ABCB4: variants seen among roughly 807,000 people sequenced by gnomAD.
ABCB4 encodes the protein phosphatidylcholine translocator ABCB4.
A neutral mutation model predicts 145.7 loss-of-function variants in ABCB4; 76 were observed. That is an observed-to-expected ratio of 0.52 (90% CI 0.43 to 0.63). The LOEUF (loss-of-function observed/expected upper bound fraction) is 0.63. Among genes scored for constraint, ABCB4 ranks in the 30% least tolerant of loss-of-function variants. The probability of loss-of-function intolerance (pLI) is 0.00; values close to 1 mark genes in which losing one functional copy is unlikely to be tolerated. For missense variants in ABCB4, 1,234 were observed against 1,553.1 expected, an observed-to-expected ratio of 0.79 and a Z score of 3.45; for synonymous variants, 517 against 566.8, an observed-to-expected ratio of 0.91 and a Z score of 1.25.
Position 87,412,063 on chromosome 7 carries a change from A to T in ABCB4, c.2784-30T>A, listed in dbSNP as rs761037382. The T allele has an allele frequency of 7.4e-6, 12 of 1,612,842 alleles. No individual in the cohort carries two copies. The South Asian group carries it at 8.8e-5, about 12-fold the overall frequency. On this transcript the variant is annotated intron_variant, in intron 22 of 27. Transcript: ENST00000649586. ...AAAGCAAATCAGTATACTTGTAACC[A>T]TCTCTTCAGCCTCCTTTAGCGCTGT...
At chr7:87,426,961 G>GTGTA (rs746053889) in intron 15 of ABCB4, 41 bp from the exon 16 acceptor site, 1 of 1,523,132 alleles carries the variant, frequency 6.6e-7, no homozygotes, top group Non-Finnish European at 9.1e-7. Flanking sequence ...GTGTGTGTGT[G>GTGTA]TGTGTGTGTG....
chr7:87,380,445 T>A, the ABCB4 span, among the ~76,000 whole-genome samples: 1 of 30,866 alleles, frequency 3.2e-5, no homozygotes, highest in African/African-American at 5.8e-5. Flanking sequence ...CATCTGTATG[T>A]ATGTATGCAT....
At chr7:87,444,549 G>C (rs1010592227) in intron 10 of ABCB4, among the ~76,000 whole-genome samples, 1 of 152,062 alleles carries the variant, frequency 6.6e-6, no homozygotes, top group African/African-American at 2.4e-5. Context: ...AAGATTCTCA[G>C]TCTGGCTACA....
intron 15 of ABCB4, among the ~76,000 whole-genome samples, chr7:87,431,104 T>A (rs1288273648): frequency 6.6e-6 from 1 of 152,200 alleles, no homozygotes; most frequent in Non-Finnish European, 1.5e-5. Context: ...TCTCGTCCTC[T>A]GACTCCCAAA....
At chr7:87,424,180 C>T (rs1308467125) in intron 16 of ABCB4, 128 bp from the exon 17 acceptor site, 2 of 1,071,678 alleles carry the variant, frequency 1.9e-6, no homozygotes, top group Non-Finnish European at 2.9e-6. Context: ...GACAAGCAAA[C>T]TACTAGAGAG....
chr7:87,443,146 T>C (rs1415892061), intron 12 of ABCB4, among the ~76,000 whole-genome samples, 173 bp downstream of exon 12: 1 of 152,244 alleles, frequency 6.6e-6, no homozygotes. Context: ...TTTTATTTAA[T>C]GCATTTGTGA....
At chr7:87,424,586 G>T (rs910318497) in intron 16 of ABCB4, among the ~76,000 whole-genome samples, 3 of 152,072 alleles carry the variant, frequency 2.0e-5, no homozygotes, top group Non-Finnish European at 4.4e-5. Flanking sequence ...CCAAAACCTT[G>T]CCTTTTCTGT....
downstream of ABCB4, among the ~76,000 whole-genome samples, chr7:87,399,968 G>A (rs1807709794): frequency 6.6e-6 from 1 of 152,080 alleles, no homozygotes; most frequent in African/African-American, 2.4e-5. Context: ...TAATCATCAG[G>A]CAACCAGGAC....
intron 20 of ABCB4, 134 bp from the exon 21 acceptor site, chr7:87,417,649 C>CCACAACACCTGTGCTTAACT: frequency 1.3e-6 from 1 of 743,802 alleles, no homozygotes; most frequent in Non-Finnish European, 2.4e-6. Context: ...TACAATAAAC[C>CCACAACACCTGTGCTTAACT]CACAACACCT....
downstream of ABCB4, among the ~76,000 whole-genome samples, chr7:87,400,903 C>T (rs113241747): frequency 5.9e-5 from 9 of 152,334 alleles, 1 homozygote; most frequent in African/African-American, 1.9e-4. Flanking sequence ...CTCACTCACA[C>T]TTCACCACTT....
intron 6 of ABCB4, chr7:87,452,499 G>A: frequency 4.9e-6 from 1 of 204,978 alleles, no homozygotes; most frequent in Non-Finnish European, 9.8e-6. Context: ...ACAGAGATCT[G>A]TGCTTTGTTC....
rs544592566 is a variant in ABCB4 at position 87,412,121 on chromosome 7, C to T, written c.2784-88G>A. ...AAAGAGCACGGCTTCTAAGTCTGGC[C>T]GAGTGGGTTTAAGTTCCACCTCCAG... On this transcript the variant is annotated intron_variant, in intron 22 of 27. Transcript: ENST00000649586. The T allele has an allele frequency of 1.3e-5, 19 of 1,505,890 alleles. No individual in the cohort carries two copies. The East Asian group carries it at 1.4e-4, about 11-fold the overall frequency. 93.3% of individuals were successfully genotyped at this position (1,505,890 alleles called of 1,614,324 possible).
downstream of ABCB4, among the ~76,000 whole-genome samples, chr7:87,397,743 T>C (rs1242381915): frequency 1.3e-5 from 2 of 152,260 alleles, no homozygotes; most frequent in Non-Finnish European, 2.9e-5. Flanking sequence ...GGCTAGAGCA[T>C]GTTCTTATTT....
At chr7:87,445,689 C>T in intron 9 of ABCB4, among the ~76,000 whole-genome samples, 1 of 152,164 alleles carries the variant, frequency 6.6e-6, no homozygotes, top group East Asian at 1.9e-4. Context: ...TATAATTTGG[C>T]TTTTCTCAAA....
intron 3 of ABCB4, among the ~76,000 whole-genome samples, 167 bp downstream of exon 3, chr7:87,472,454 G>A (rs1349572892): frequency 6.6e-6 from 1 of 152,068 alleles, no homozygotes; most frequent in African/African-American, 2.4e-5. Context: ...AAACTCTTGT[G>A]CTCAAGCAAC....
rs1813732612 is a variant in ABCB4, at chr7:87,475,390, T to G, written c.76A>C (p.Ser26Arg). The G allele has an allele frequency of 6.2e-7, 1 of 1,614,134 alleles. No homozygotes were observed. Among genetic ancestry groups the G allele is most frequent in the Non-Finnish European group, 8.5e-7 (1 of 1,180,032 alleles). ...SAEGDFELGI[S>R]SKQKRKKTKT... ...CAGTGGCTGCTGGGGATGTACCTGC[T>G]GATGCCCAGTTCAAAGTCGCCCTCC... Residue 26 changes from serine to arginine, a missense_variant, in exon 2 of 28, where the codon AGC (serine) becomes CGC (arginine). By Grantham distance (110) the Ser-to-Arg change is moderately radical. Coordinates refer to ENST00000649586, the MANE Select transcript of ABCB4 (RefSeq NM_000443.4).
At chr7:87,393,906 GA>G in the ABCB4 span, among the ~76,000 whole-genome samples, 6 of 152,002 alleles carry the variant, frequency 3.9e-5, no homozygotes, top group African/African-American at 7.2e-5. Flanking sequence ...GAGACAATTT[GA>G]AAAAACTCAA....
At chr7:87,374,552 A>G in the ABCB4 span, among the ~76,000 whole-genome samples, 2 of 152,170 alleles carry the variant, frequency 1.3e-5, no homozygotes, top group South Asian at 4.1e-4. Flanking sequence ...AGCTTTACTT[A>G]TAATTGGAGC....
chr7:87,407,256 T>C (rs376287733), intron 25 of ABCB4, among the ~76,000 whole-genome samples: 154 of 152,296 alleles, frequency 1.0e-3, no homozygotes, highest in African/African-American at 3.5e-3. Context: ...CCCACCATCG[T>C]ATCAGCACAC....
Sources: gnomAD v4.1 joint callset for allele counts (sites outside exome capture counted in the v4.1 genomes callset) on GRCh38, gnomAD v4.1.1 for gene constraint, MANE v1.5 for transcripts, NCBI Gene and HGNC (gene_info 2026-07-23, HGNC 2026-07-21) for gene names.